CEP83: variants seen among roughly 807,000 people sequenced by gnomAD.
The protein encoded by CEP83 is centrosomal protein 83, also known as centrosomal protein of 83 kDa.
In CEP83, 70 loss-of-function variants were observed where a neutral mutation model predicts 101.9. The observed-to-expected ratio is 0.69, with a 90% CI of 0.57 to 0.84. The LOEUF (loss-of-function observed/expected upper bound fraction) is 0.84, where lower values mean the gene tolerates loss of function less well. CEP83 is among the 40% of genes least tolerant of loss of function. The pLI, the probability that CEP83 is intolerant of heterozygous loss-of-function variation, is 0.00. For synonymous variants in CEP83, 264 were observed against 267.9 expected (o/e 0.99, Z 0.14); for missense variants, 715 against 787.2 (o/e 0.91, Z 1.10).
chr12:94,320,690 G>C (rs547182345), intron 14 of CEP83, among the ~76,000 whole-genome samples: 1 of 152,152 alleles, frequency 6.6e-6, no homozygotes, highest in Admixed American at 6.5e-5. Context: ...CTTGGTTGAA[G>C]ATTTTTTTAA....
chr12:94,374,642 G>A (rs1030768534), intron 8 of CEP83, among the ~76,000 whole-genome samples: 1 of 152,156 alleles, frequency 6.6e-6, no homozygotes, highest in Non-Finnish European at 1.5e-5. Flanking sequence ...GGTTCTTACA[G>A]ATATAAGGAA....
intron 11 of CEP83, among the ~76,000 whole-genome samples, chr12:94,336,159 C>G (rs933334590): frequency 6.6e-6 from 1 of 152,140 alleles, no homozygotes; most frequent in African/African-American, 2.4e-5. Flanking sequence ...ACTAATACAA[C>G]ACACCATCCT....
the CEP83 span, among the ~76,000 whole-genome samples, chr12:94,267,127 G>A: frequency 6.6e-6 from 1 of 152,108 alleles, no homozygotes; most frequent in Non-Finnish European, 1.5e-5. Flanking sequence ...ACTTTAAGAC[G>A]TTTTAGAAGC....
chr12:94,341,322 GTAAA>G (rs1565943565), intron 11 of CEP83, among the ~76,000 whole-genome samples: 1 of 152,062 alleles, frequency 6.6e-6, no homozygotes, highest in African/African-American at 2.4e-5. Context: ...TATATTATTT[GTAAA>G]TAAATGGATA....
the CEP83 span, chr12:94,276,854 G>A: frequency 1.3e-5 from 2 of 152,164 alleles, no homozygotes; most frequent in Non-Finnish European, 2.9e-5. Flanking sequence ...GAACATAAAG[G>A]TTCTCTGAGA....
chr12:94,275,682 T>TGGA, the CEP83 span, among the ~76,000 whole-genome samples: 1 of 110,884 alleles, frequency 9.0e-6, no homozygotes, highest in African/African-American at 3.7e-5. Flanking sequence ...TGAAACCCCG[T>TGGA]CTCTACTAAA....
Position 94,308,554 on chromosome 12 carries a change from T to A in CEP83, c.*259A>T. 3.7e-6 allele frequency: 1 copy of A among 267,078 alleles called. No homozygotes were observed. Among genetic ancestry groups the A allele is most frequent in the Non-Finnish European group, 7.1e-6 (1 of 141,406 alleles). 16.5% of individuals were successfully genotyped at this position (267,078 alleles called of 1,614,324 possible). On this transcript the variant is annotated 3_prime_UTR_variant, in exon 17 of 17. Coordinates refer to ENST00000397809, the MANE Select transcript of CEP83 (RefSeq NM_016122.3). ...AAAAATTTTAAAACTTGACTCTAAC[T>A]AGTTCCTTTTTGTTTTACATTCTCA...
At chr12:94,290,499 G>A in the CEP83 span, among the ~76,000 whole-genome samples, 2 of 152,090 alleles carry the variant, frequency 1.3e-5, no homozygotes, top group Non-Finnish European at 2.9e-5. Flanking sequence ...GGCCCCAGCC[G>A]GCCCCTGCCC....
At position 94,393,208 on chromosome 12, in the gene CEP83, T is replaced by C. The variant is rs754175225; in HGVS notation, c.549+7642A>G. The stretch of plus-strand genomic sequence containing the variant: ...TTTAGACCAATATCCCTGATGAACA[T>C]TGATGCGAAAATCCTCAATAAAATA... On this transcript the variant is annotated intron_variant, in intron 6 of 16. Transcript: ENST00000397809. 2.6e-5 allele frequency among the ~76,000 whole-genome samples: 4 copies of C among 152,194 alleles called. No homozygotes were observed. In the South Asian group the frequency reaches 6.2e-4, roughly 24 times the overall value.
At chr12:94,374,980 GA>G (rs1367803524) in intron 8 of CEP83, among the ~76,000 whole-genome samples, 1 of 152,058 alleles carries the variant, frequency 6.6e-6, no homozygotes, top group African/African-American at 2.4e-5. Context: ...CTGTTAAGGA[GA>G]ATATAAATGT....
intron 6 of CEP83, among the ~76,000 whole-genome samples, chr12:94,383,073 T>C (rs1324689738): frequency 6.6e-6 from 1 of 152,072 alleles, no homozygotes; most frequent in Non-Finnish European, 1.5e-5. Flanking sequence ...TTCCTGTGTC[T>C]TCTTGCTGGG....
intron 6 of CEP83, among the ~76,000 whole-genome samples, chr12:94,395,324 T>TAA: frequency 6.6e-6 from 1 of 150,594 alleles, no homozygotes; most frequent in Middle Eastern, 3.4e-3. Context: ...CCCTAGAACT[T>TAA]AAAGTATAAT....
chr12:94,295,201 G>C, the CEP83 span, among the ~76,000 whole-genome samples: 6 of 152,204 alleles, frequency 3.9e-5, no homozygotes, highest in African/African-American at 1.4e-4. Flanking sequence ...CACACACACA[G>C]CCAGAGGTAG....
the CEP83 span, among the ~76,000 whole-genome samples, chr12:94,288,405 TTGG>T: frequency 6.6e-6 from 1 of 152,222 alleles, no homozygotes; most frequent in Non-Finnish European, 1.5e-5. Context: ...CCACACATTC[TTGG>T]TGGCCCAACT....
chr12:94,392,643 G>C (rs961671553), intron 6 of CEP83, among the ~76,000 whole-genome samples: 10 of 152,124 alleles, frequency 6.6e-5, no homozygotes, highest in African/African-American at 2.4e-4. Flanking sequence ...TAAGATCAGA[G>C]CAGAATTGAA....
chr12:94,289,422 C>T, the CEP83 span, among the ~76,000 whole-genome samples: 1 of 152,142 alleles, frequency 6.6e-6, no homozygotes, highest in Non-Finnish European at 1.5e-5. Context: ...TTTGAAATTG[C>T]CGTGCGTACC....
intron 2 of CEP83, among the ~76,000 whole-genome samples, chr12:94,426,626 T>C (rs2065220482): frequency 1.3e-5 from 2 of 152,170 alleles, no homozygotes; most frequent in Admixed American, 1.3e-4. Context: ...CCTCAAAATA[T>C]GTCATTTCCT....
At chr12:94,276,519 G>A in the CEP83 span, among the ~76,000 whole-genome samples, 2 of 152,212 alleles carry the variant, frequency 1.3e-5, no homozygotes, top group African/African-American at 2.4e-5. Context: ...TGGCATAGCC[G>A]AGGGGTTTGT....
At chr12:94,406,559 T>C (rs377500693) in intron 4 of CEP83, among the ~76,000 whole-genome samples, 2 of 152,062 alleles carry the variant, frequency 1.3e-5, no homozygotes, top group African/African-American at 2.4e-5. Context: ...AACTTTATTG[T>C]ACAGTTATTG....
Sources: allele counts gnomAD v4.1 joint callset (sites outside exome capture counted in the v4.1 genomes callset), GRCh38; gene constraint gnomAD v4.1.1; transcripts MANE v1.5; gene names NCBI Gene and HGNC (gene_info 2026-07-23, HGNC 2026-07-21).